Variants in SLC22A3 observed in about 807,000 individuals in gnomAD.
The protein encoded by SLC22A3 is solute carrier family 22 member 3.
SLC22A3 carries 51 observed loss-of-function variants against 59.1 expected under a neutral mutation model. That is an observed-to-expected ratio of 0.86 (90% CI 0.69 to 1.09). The LOEUF (loss-of-function observed/expected upper bound fraction) is 1.09. SLC22A3 is among the 50% of genes least tolerant of loss of function. SLC22A3 has a pLI of 0.00. For synonymous variants in SLC22A3, 325 were observed against 292.0 expected (o/e 1.11, Z -1.15); for missense variants, 711 against 726.3 (o/e 0.98, Z 0.24).
At chr6:160,362,765 G>A (rs916146102) in intron 1 of SLC22A3, among the ~76,000 whole-genome samples, 3 of 152,226 alleles carry the variant, frequency 2.0e-5, no homozygotes, top group Admixed American at 6.5e-5. Flanking sequence ...CTCCAGCGCC[G>A]GAGGGGACCC....
At chr6:160,363,964 G>A (rs78048521) in intron 1 of SLC22A3, among the ~76,000 whole-genome samples, 4,758 of 152,002 alleles carry the variant, frequency 0.031, 240 homozygotes, top group African/African-American at 0.11. Flanking sequence ...AAAACCAGGA[G>A]AGTCCCAGAC....
intron 1 of SLC22A3, among the ~76,000 whole-genome samples, chr6:160,362,722 C>T (rs1026577156): frequency 1.2e-4 from 18 of 152,320 alleles, no homozygotes; most frequent in African/African-American, 3.8e-4. Flanking sequence ...GTGTCCAGGG[C>T]ATGAGCCTTC....
intron 5 of SLC22A3, among the ~76,000 whole-genome samples, chr6:160,412,364 A>G (rs1357621736): frequency 6.6e-6 from 1 of 152,112 alleles, no homozygotes; most frequent in Non-Finnish European, 1.5e-5. Flanking sequence ...ACTCTGTCTA[A>G]AAAAGAACTG....
chr6:160,385,495 G>A (rs183790995), intron 1 of SLC22A3, among the ~76,000 whole-genome samples: 1 of 152,180 alleles, frequency 6.6e-6, no homozygotes, highest in Non-Finnish European at 1.5e-5. Flanking sequence ...AGGGAAGGAG[G>A]TAAGCCCTCC....
chr6:160,427,739 C>T (rs1164083418), intron 5 of SLC22A3, among the ~76,000 whole-genome samples: 1 of 152,174 alleles, frequency 6.6e-6, no homozygotes, highest in African/African-American at 2.4e-5. Flanking sequence ...TTCACTCAAA[C>T]TTGCTTTTTC....
At chr6:160,408,634 A>G (rs1787116936) in intron 3 of SLC22A3, 119 bp from the exon 4 acceptor site, 14 of 900,716 alleles carry the variant, frequency 1.6e-5, no homozygotes, top group Non-Finnish European at 2.1e-5. Context: ...TCCGTATCTG[A>G]GTGCTAGCGT....
At chr6:160,373,775 G>T (rs1785488047) in intron 1 of SLC22A3, among the ~76,000 whole-genome samples, 1 of 152,162 alleles carries the variant, frequency 6.6e-6, no homozygotes, top group Non-Finnish European at 1.5e-5. Context: ...GCTCTGTCCA[G>T]TTCAAACTTC....
chr6:160,403,100 T>G (rs1333827653), intron 2 of SLC22A3, among the ~76,000 whole-genome samples: 1 of 151,186 alleles, frequency 6.6e-6, no homozygotes, highest in Non-Finnish European at 1.5e-5. Context: ...AAAAGCTGGT[T>G]ATTTGAAACG....
intron 1 of SLC22A3, among the ~76,000 whole-genome samples, chr6:160,396,571 A>C (rs1194874437): frequency 6.6e-6 from 1 of 152,200 alleles, no homozygotes; most frequent in African/African-American, 2.4e-5. Context: ...AATTTATAAA[A>C]ATGAAAAACA....
intron 5 of SLC22A3, among the ~76,000 whole-genome samples, chr6:160,411,992 G>T (rs1006392695): frequency 2.0e-5 from 3 of 152,148 alleles, no homozygotes; most frequent in Non-Finnish European, 4.4e-5. Flanking sequence ...TTTAAGACTA[G>T]GTTGTCAACA....
At chr6:160,428,303 C>G (rs1014812416) in intron 5 of SLC22A3, among the ~76,000 whole-genome samples, 1 of 152,168 alleles carries the variant, frequency 6.6e-6, no homozygotes, top group African/African-American at 2.4e-5. Context: ...GACTGGGGCA[C>G]TCTTTCAGGC....
rs141864378 is a variant in SLC22A3 at position 160,350,025 on chromosome 6, A to G, written c.429+1177A>G. Among the ~76,000 whole-genome samples, 50 of 152,156 alleles carry G rather than the reference A, an allele frequency of 3.3e-4. No individual in the cohort carries two copies. In the East Asian group the frequency reaches 9.1e-3, roughly 28 times the overall value. On this transcript the variant is annotated intron_variant, in intron 1 of 10. Coordinates refer to ENST00000275300, the MANE Select transcript of SLC22A3 (RefSeq NM_021977.4). ...GCAGTTGGGAGTGTCGGTGGTTGCA[A>G]TTGTACATGTTTTATACGCCATGTG...
At chr6:160,439,229 C>T (rs564643233) in intron 7 of SLC22A3, among the ~76,000 whole-genome samples, 1 of 152,138 alleles carries the variant, frequency 6.6e-6, no homozygotes, top group East Asian at 1.9e-4. Context: ...AGTGAAAAAT[C>T]GCAAACATTG....
intron 4 of SLC22A3, among the ~76,000 whole-genome samples, chr6:160,409,156 T>A (rs1787147165): frequency 8.7e-6 from 1 of 114,320 alleles, no homozygotes; most frequent in South Asian, 3.6e-4. Flanking sequence ...TATCTCCCAA[T>A]GCTATCCCTC....
intron 1 of SLC22A3, among the ~76,000 whole-genome samples, chr6:160,354,901 C>T (rs542351716): frequency 1.1e-4 from 16 of 152,290 alleles, no homozygotes; most frequent in African/African-American, 3.1e-4. Context: ...AGAGAGGCCA[C>T]GTGTCTGAGT....
rs565314761 is a variant in SLC22A3, at chr6:160,349,186, G to A, written c.429+338G>A. The A allele has an allele frequency of 2.4e-5, 14 of 581,298 alleles. No individual in the cohort carries two copies. In the East Asian group the frequency reaches 5.8e-4, roughly 24 times the overall value. The allele number at this position is 581,298 out of a possible 1,614,324, so 36.0% of individuals were successfully genotyped here. A position where few individuals can be genotyped will look rare whatever the true frequency, so the allele number is the denominator to read the frequency against. ...CAGCACCGCGTTCCTTATCTTTGAG[G>A]TGTGCGGGCGCCGTCATTGGAAATT... On this transcript the variant is annotated intron_variant, in intron 1 of 10. Coordinates refer to ENST00000275300, the MANE Select transcript of SLC22A3 (RefSeq NM_021977.4).
At position 160,436,978 on chromosome 6, in the gene SLC22A3, T is replaced by C; in HGVS notation, c.1074-19T>C. 1 of 1,614,064 alleles carries C rather than the reference T, an allele frequency of 6.2e-7. No homozygotes were observed. Among genetic ancestry groups the C allele is most frequent in the Non-Finnish European group, 8.5e-7 (1 of 1,179,876 alleles). On this transcript the variant is annotated intron_variant, in intron 6 of 10. Transcript: ENST00000275300. ...GTTATCTCTTACTTGTTCTCTGGTG[T>C]CTTTCAATGTTGCTACAGGTTCACA...
intron 1 of SLC22A3, among the ~76,000 whole-genome samples, chr6:160,353,162 C>G (rs542132372): frequency 6.6e-6 from 1 of 152,240 alleles, no homozygotes; most frequent in Non-Finnish European, 1.5e-5. Flanking sequence ...AACAGCCACC[C>G]CACTAGGTGT....
At chr6:160,373,135 G>C (rs919028740) in intron 1 of SLC22A3, among the ~76,000 whole-genome samples, 1 of 152,120 alleles carries the variant, frequency 6.6e-6, no homozygotes, top group Non-Finnish European at 1.5e-5. Context: ...CCTCATCTTC[G>C]TGGATTTATC....
Sources: gnomAD v4.1 joint callset for allele counts (sites outside exome capture counted in the v4.1 genomes callset) on GRCh38, gnomAD v4.1.1 for gene constraint, MANE v1.5 for transcripts, NCBI Gene and HGNC (gene_info 2026-07-23, HGNC 2026-07-21) for gene names.